PTBP1: variants seen among roughly 807,000 people sequenced by gnomAD.
PTBP1 encodes the protein polypyrimidine tract binding protein 1.
In PTBP1, 8 loss-of-function variants were observed where a neutral mutation model predicts 59.8. The ratio of observed to expected loss-of-function variants is 0.13; its 90% CI spans 0.08 to 0.24. The LOEUF is 0.24. Ranked by LOEUF, PTBP1 falls within the 10% of genes least tolerant of loss-of-function variation. The probability of loss-of-function intolerance (pLI) is 1.00; values close to 1 mark genes in which losing one functional copy is unlikely to be tolerated. For missense variants in PTBP1, 686 were observed against 767.0 expected (o/e 0.89, Z 1.25); for synonymous variants, 490 against 320.7 (o/e 1.53, Z -5.64).
rs2034498238 is a variant in PTBP1 at position 805,007 on chromosome 19, CCT to C, written c.718-4_718-3del. 1 of 1,613,306 alleles carries C rather than the reference CCT, an allele frequency of 6.2e-7. No homozygotes were observed. The highest frequency in any genetic ancestry group is 1.7e-5 in the Admixed American group (1 of 59,986). On this transcript the variant is annotated splice_region_variant and splice_polypyrimidine_tract_variant and intron_variant, in intron 7 of 14. Transcript: ENST00000356948. The stretch of plus-strand genomic sequence containing the variant: ...CGGCGACGTCTCACGGTCCCTCTCC[CCT>C]CAGTCGCTGGACGGGCAGAACATCT...
rs762387639 is a variant in PTBP1, at chr19:810,828, G to C, written c.*2G>C. Reference sequence around the variant, plus strand: ...TCCTTCTCCAAGTCCACCATCTAGGGGCACAGGCCCCCACGGCCGGGCCCC... The same window carrying C: ...TCCTTCTCCAAGTCCACCATCTAGGCGCACAGGCCCCCACGGCCGGGCCCC... On this transcript the variant is annotated 3_prime_UTR_variant, in exon 15 of 15. Transcript: ENST00000356948. 3.9e-6 allele frequency: 6 copies of C among 1,548,932 alleles called. No homozygotes were observed. In the East Asian group the frequency reaches 1.2e-4, roughly 31 times the overall value.
At chr19:804,007 G>T (rs763908316) in intron 3 of PTBP1, 29 bp from the exon 4 acceptor site, 31 of 1,613,180 alleles carry the variant, frequency 1.9e-5, no homozygotes, top group Non-Finnish European at 2.5e-5. Flanking sequence ...GCGAGTTGGT[G>T]CCTGCATCTC....
rs761374048 is a variant in PTBP1 at position 804,594 on chromosome 19, C to T, written c.498C>T (p.Ala166=). 4 of 1,611,554 alleles carry T rather than the reference C, an allele frequency of 2.5e-6. No individual in the cohort carries two copies. The South Asian group carries it at 3.3e-5, about 13-fold the overall frequency. The change falls in exon 6 of 15, where the codon GCC becomes GCT. Residue 166 remains alanine (A), a synonymous_variant. Transcript: ENST00000356948. The stretch of plus-strand genomic sequence containing the variant: ...AGTCGGGGAACCTGGCCTTGGCTGC[C>T]TCGGCGGCGGCCGTGGACGCAGGGA... ...SVQSGNLALA[A]SAAAVDAGMA...
chr19:805,595 C>A, intron 9 of PTBP1, 26 bp downstream of exon 9: 1 of 1,590,596 alleles, frequency 6.3e-7, no homozygotes, highest in Non-Finnish European at 8.6e-7. Flanking sequence ...GTCTTGGTTC[C>A]CCAGCGACTG....
intron 2 of PTBP1, among the ~76,000 whole-genome samples, chr19:802,209 G>A (rs3786992): frequency 0.012 from 1,754 of 152,308 alleles, 28 homozygotes; most frequent in African/African-American, 0.037. Context: ...GGAGTCTCCC[G>A]AGGCTCTTGC....
At chr19:807,812 C>G in intron 10 of PTBP1, 57 bp from the exon 11 acceptor site, 1 of 1,457,732 alleles carries the variant, frequency 6.9e-7, no homozygotes, top group Non-Finnish European at 9.6e-7. Flanking sequence ...CAACTCGCCC[C>G]CCTTGACCTC....
chr19:805,714 G>A (rs1452537184), intron 9 of PTBP1, 145 bp downstream of exon 9: 2 of 725,948 alleles, frequency 2.8e-6, no homozygotes, highest in East Asian at 5.0e-5. Flanking sequence ...GGGACGCCAC[G>A]TCCACAGAGC....
intron 11 of PTBP1, 67 bp downstream of exon 11, chr19:807,969 C>A: frequency 7.0e-7 from 1 of 1,436,636 alleles, no homozygotes; most frequent in African/African-American, 1.4e-5. Flanking sequence ...TGCCCTGAGA[C>A]GTATTATGAG....
rs1398715628 is a variant in PTBP1 at position 808,089 on chromosome 19, C to T, written c.1153+187C>T. On this transcript the variant is annotated intron_variant, in intron 11 of 14. Coordinates refer to ENST00000356948, the MANE Select transcript of PTBP1 (RefSeq NM_002819.5). This position sits in a 1 kb window ranked among gnomAD's most constrained non-coding sequence, Gnocchi z 4.7. ...AGATACGTACGCATGGTTTATCGCC[C>T]TGCATGCTTTTCAGAGTTAGACCTG... is the stretch of plus-strand genomic sequence containing the variant. The T allele has an allele frequency of 4.6e-6, 3 of 653,352 alleles. No homozygotes were observed. The East Asian group carries it at 8.1e-5, about 18-fold the overall frequency. 40.5% of individuals were successfully genotyped at this position (653,352 alleles called of 1,614,324 possible).
chr19:809,140 C>G (rs1007685470), intron 13 of PTBP1, among the ~76,000 whole-genome samples: 1 of 151,968 alleles, frequency 6.6e-6, no homozygotes, highest in Non-Finnish European at 1.5e-5. Context: ...TCCCGAGTAG[C>G]TGGGACTGTA....
intron 4 of PTBP1, 26 bp downstream of exon 4, chr19:804,234 T>C (rs1347528171): frequency 1.2e-6 from 2 of 1,609,214 alleles, no homozygotes; most frequent in African/African-American, 2.7e-5. Flanking sequence ...TTCTCCGGGG[T>C]GCTCACACCG....
At chr19:805,399 GCCCGCCGGCCGGGTTGGGGCCCAT>G (rs2034520474) in intron 8 of PTBP1, 69 bp from the exon 9 acceptor site, 18 of 1,348,788 alleles carry the variant, frequency 1.3e-5, no homozygotes, top group Non-Finnish European at 1.8e-5. Flanking sequence ...TGCCGGGGCC[GCCCGCCGGCCGGGTTGGGGCCCAT>G]CCCGCAGCAC....
chr19:805,386 C>A, intron 8 of PTBP1, 106 bp from the exon 9 acceptor site: 1 of 1,280,936 alleles, frequency 7.8e-7, no homozygotes, highest in South Asian at 1.3e-5. Flanking sequence ...CCCGCGAAGG[C>A]TCTGCCGGGG....
rs116961534 is a variant in PTBP1 at position 803,686 on chromosome 19, G to A, written c.115+50G>A. ...CAAGACCCGTGGGTGTCTTTCCCTG[G>A]AACAACGTTACGTTCTTGTTCTGGG... is the stretch of plus-strand genomic sequence containing the variant. On this transcript the variant is annotated intron_variant, in intron 3 of 14. Coordinates refer to ENST00000356948, the MANE Select transcript of PTBP1 (RefSeq NM_002819.5). 6.0e-3 allele frequency: 8,949 copies of A among 1,501,362 alleles called. 42 individuals are homozygous for A. Among genetic ancestry groups the A allele is most frequent in the Non-Finnish European group, 7.3e-3 (7,849 of 1,079,418 alleles). 93.0% of individuals were successfully genotyped at this position (1,501,362 alleles called of 1,614,324 possible).
rs187668069 is a variant in PTBP1, at chr19:801,944, A to G, written c.40-1617A>G. ...TTGGCTTCATCTGTGTCCGGCCGGAACCTCAGGGCCGCCGTGACACTGGAC... is the reference window on the plus strand; with the variant it reads ...TTGGCTTCATCTGTGTCCGGCCGGAGCCTCAGGGCCGCCGTGACACTGGAC... On this transcript the variant is annotated intron_variant, in intron 2 of 14. Coordinates refer to ENST00000356948, the MANE Select transcript of PTBP1 (RefSeq NM_002819.5). Among the ~76,000 whole-genome samples, 31 of 152,256 alleles carry G rather than the reference A, an allele frequency of 2.0e-4. 1 individual carries two copies. Among genetic ancestry groups the G allele is most frequent in the Non-Finnish European group, 4.1e-4 (28 of 68,030 alleles).
rs1252502263 is a variant in PTBP1, at chr19:811,498, ATCT to A, written c.*674_*676del. The A allele has an allele frequency of 2.0e-5, 3 of 152,486 alleles. No homozygotes were observed. The highest frequency in any genetic ancestry group is 4.8e-5 in the African/African-American group (2 of 41,472). The allele number at this position is 152,486 out of a possible 1,614,324, so 9.4% of individuals were successfully genotyped here. On this transcript the variant is annotated 3_prime_UTR_variant, in exon 15 of 15. Transcript: ENST00000356948. ...TATTTCCAGTTGACCAAATATTCTA[ATCT>A]TTTTTCATTTATATGCAAAAGAAAT...
intron 2 of PTBP1, among the ~76,000 whole-genome samples, chr19:801,866 T>C (rs894100649): frequency 2.6e-5 from 4 of 152,148 alleles, no homozygotes; most frequent in South Asian, 4.1e-4. Context: ...CTTGTGCTCA[T>C]AGGGGGCCCC....
chr19:807,919 A>G lies in PTBP1; in HGVS notation c.1153+17A>G, dbSNP rs752167131. On this transcript the variant is annotated intron_variant, in intron 11 of 14. Transcript: ENST00000356948. ...TTCTTTTCGGTATGTTATCGTTCAC[A>G]CTTTTATTACCTTGTTTTCATTAAT... The G allele has an allele frequency of 1.1e-5, 18 of 1,604,340 alleles. No homozygotes were observed. The East Asian group carries it at 1.6e-4, about 14-fold the overall frequency.
In PTBP1 at chr19:808,847, C is replaced by CTGGCGTTTCCAGAGTGCAGGT; in HGVS notation, c.1463+86_1463+106dup. The CTGGCGTTTCCAGAGTGCAGGT allele has an allele frequency of 7.5e-7, 1 of 1,328,452 alleles. No individual in the cohort carries two copies. Among genetic ancestry groups the CTGGCGTTTCCAGAGTGCAGGT allele is most frequent in the South Asian group, 1.3e-5 (1 of 78,484 alleles). The allele number at this position is 1,328,452 out of a possible 1,614,324, so 82.3% of individuals were successfully genotyped here. ...TCCTACCGCGTCGGTGTGTGGACTT[C>CTGGCGTTTCCAGAGTGCAGGT]TGGCGTTTCCAGAGTGCAGGTCGGG... On this transcript the variant is annotated intron_variant, in intron 13 of 14. Coordinates refer to ENST00000356948, the MANE Select transcript of PTBP1 (RefSeq NM_002819.5). This position sits in a 1 kb window ranked among gnomAD's most constrained non-coding sequence, Gnocchi z 4.7.
Sources: allele counts gnomAD v4.1 joint callset (sites outside exome capture counted in the v4.1 genomes callset), GRCh38; gene constraint gnomAD v4.1.1; non-coding constraint Gnocchi (gnomAD v3.1); transcripts MANE v1.5; gene names NCBI Gene and HGNC (gene_info 2026-07-23, HGNC 2026-07-21).